Variants in FAM135B observed in about 807,000 individuals in gnomAD.
FAM135B encodes the protein protein FAM135B.
In FAM135B, 43 loss-of-function variants were observed where a neutral mutation model predicts 127.7. That is an observed-to-expected ratio of 0.34 (90% CI 0.26 to 0.43). FAM135B has a LOEUF of 0.43. FAM135B is among the 20% of genes least tolerant of loss of function. The pLI is 1.00. For synonymous variants in FAM135B, 670 were observed against 665.1 expected (o/e 1.01, Z -0.11); for missense variants, 1,558 against 1,725.6 (o/e 0.90, Z 1.72).
chr8:138,379,037 A>C (rs1831669032), intron 1 of FAM135B, among the ~76,000 whole-genome samples: 1 of 152,156 alleles, frequency 6.6e-6, no homozygotes. Context: ...CTCTGGTGAC[A>C]CTCACTGAGA....
intron 3 of FAM135B, among the ~76,000 whole-genome samples, chr8:138,288,586 T>G (rs1322921479): frequency 6.6e-6 from 1 of 152,084 alleles, no homozygotes; most frequent in Non-Finnish European, 1.5e-5. Context: ...CAGGAGATGT[T>G]GAGGAAACGG....
chr8:138,236,945 T>G (rs1263848393), intron 7 of FAM135B, among the ~76,000 whole-genome samples: 1 of 152,106 alleles, frequency 6.6e-6, no homozygotes, highest in African/African-American at 2.4e-5. Context: ...GATAAATAAA[T>G]GAGCACATGT....
intron 1 of FAM135B, among the ~76,000 whole-genome samples, chr8:138,457,935 C>T (rs559478972): frequency 1.1e-4 from 17 of 151,106 alleles, no homozygotes; most frequent in Non-Finnish European, 2.4e-4. Flanking sequence ...TGAGATTCCG[C>T]CACTGCACTC....
intron 2 of FAM135B, among the ~76,000 whole-genome samples, chr8:138,358,734 C>T (rs1441683132): frequency 6.6e-6 from 1 of 152,096 alleles, no homozygotes; most frequent in Non-Finnish European, 1.5e-5. Context: ...CTTAAGAGAC[C>T]TCAGTGAGAA....
chr8:138,239,958 T>C (rs376587868), intron 7 of FAM135B, among the ~76,000 whole-genome samples: 2 of 138,448 alleles, frequency 1.4e-5, no homozygotes, highest in East Asian at 4.4e-4. Context: ...ATGAGAACAC[T>C]TGGACACAGG....
chr8:138,240,531 C>T (rs981265451), intron 7 of FAM135B, among the ~76,000 whole-genome samples: 5 of 152,164 alleles, frequency 3.3e-5, no homozygotes, highest in African/African-American at 1.2e-4. Context: ...ATATGATTCA[C>T]ACATTTGTAT....
In FAM135B at chr8:138,242,798, G is replaced by T; in HGVS notation, c.669+144C>A. 1 of 1,052,034 alleles carries T rather than the reference G, an allele frequency of 9.5e-7. No individual in the cohort carries two copies. Among genetic ancestry groups the T allele is most frequent in the Non-Finnish European group, 1.3e-6 (1 of 751,062 alleles). 65.2% of individuals were successfully genotyped at this position (1,052,034 alleles called of 1,614,324 possible). On this transcript the variant is annotated intron_variant, in intron 7 of 19. Transcript: ENST00000395297. The surrounding 1 kb of genome is among the most constrained non-coding windows in gnomAD (Gnocchi z 9.6). ...ATAGAGCTTGTAGTGATAAAAACAA[G>T]GGGTGGGAAGATGGTGAAAGGAAGG...
chr8:138,321,189 G>A (rs1457164124), intron 2 of FAM135B, among the ~76,000 whole-genome samples: 1 of 152,084 alleles, frequency 6.6e-6, no homozygotes, highest in African/African-American at 2.4e-5. Flanking sequence ...TGTGAGGCAG[G>A]AACAGGAGCA....
intron 3 of FAM135B, among the ~76,000 whole-genome samples, chr8:138,279,218 T>A (rs1586952125): frequency 6.6e-6 from 1 of 152,352 alleles, no homozygotes; most frequent in South Asian, 2.1e-4. Flanking sequence ...CCCTCGTCTG[T>A]TTCCACAGCA....
chr8:138,178,715 T>C, intron 9 of FAM135B, 25 bp from the exon 10 acceptor site: 4 of 1,610,260 alleles, frequency 2.5e-6, no homozygotes, highest in Non-Finnish European at 3.4e-6. Context: ...AAGGTGGTAT[T>C]CAAGGCTCCT....
intron 11 of FAM135B, among the ~76,000 whole-genome samples, chr8:138,170,527 T>C (rs1482522523): frequency 1.3e-5 from 2 of 152,184 alleles, no homozygotes; most frequent in South Asian, 4.1e-4. Flanking sequence ...CGGCCCACTA[T>C]CTTTATTTGA....
At chr8:138,142,285 CTT>C (rs1817240470) in intron 16 of FAM135B, among the ~76,000 whole-genome samples, 1 of 99,934 alleles carries the variant, frequency 1.0e-5, no homozygotes, top group African/African-American at 3.7e-5. Flanking sequence ...CATTCTGCTT[CTT>C]CTTTTTTTTT....
chr8:138,380,210 T>C (rs1044176019), intron 1 of FAM135B, among the ~76,000 whole-genome samples: 1 of 152,006 alleles, frequency 6.6e-6, no homozygotes, highest in Non-Finnish European at 1.5e-5. Flanking sequence ...CTTTCTTTCT[T>C]TTTTTGAGAC....
chr8:138,315,135 A>T (rs1038427152), intron 2 of FAM135B, among the ~76,000 whole-genome samples: 2 of 152,138 alleles, frequency 1.3e-5, no homozygotes, highest in African/African-American at 4.8e-5. Context: ...TAATAATAAT[A>T]ATCCAATTTA....
intron 1 of FAM135B, among the ~76,000 whole-genome samples, chr8:138,419,932 AC>A (rs1432187344): frequency 4.6e-5 from 7 of 152,192 alleles, no homozygotes; most frequent in Non-Finnish European, 8.8e-5. Flanking sequence ...ACCTAGGGGA[AC>A]CAGAAAAACA....
At chr8:138,291,140 G>A (rs923005663) in intron 3 of FAM135B, among the ~76,000 whole-genome samples, 10 of 152,224 alleles carry the variant, frequency 6.6e-5, no homozygotes, top group African/African-American at 2.2e-4. Flanking sequence ...AGAGCTAGCT[G>A]ACAATAGCCT....
chr8:138,275,174 C>G (rs1395930275), intron 3 of FAM135B, among the ~76,000 whole-genome samples: 3 of 152,310 alleles, frequency 2.0e-5, no homozygotes, highest in Non-Finnish European at 4.4e-5. Flanking sequence ...GAAATCTACA[C>G]AATCCACATT....
chr8:138,363,041 T>G (rs1051034038), intron 2 of FAM135B, among the ~76,000 whole-genome samples: 1 of 152,158 alleles, frequency 6.6e-6, no homozygotes, highest in African/African-American at 2.4e-5. Context: ...GAGGAGGTTA[T>G]ACTGAGCTGG....
At chr8:138,177,127 A>G (rs1425879621) in intron 11 of FAM135B, among the ~76,000 whole-genome samples, 1 of 152,156 alleles carries the variant, frequency 6.6e-6, no homozygotes, top group Non-Finnish European at 1.5e-5. Flanking sequence ...ATGATACTCA[A>G]TGAAAGAAAA....
Sources: allele counts gnomAD v4.1 joint callset (sites outside exome capture counted in the v4.1 genomes callset), GRCh38; gene constraint gnomAD v4.1.1; non-coding constraint Gnocchi (gnomAD v3.1); transcripts MANE v1.5; gene names NCBI Gene and HGNC (gene_info 2026-07-23, HGNC 2026-07-21).